The following HERC2 variants were observed in gnomAD, a reference collection of about 807,000 sequenced individuals.
HERC2 encodes HECT and RLD domain containing E3 ubiquitin protein ligase 2, also known as E3 ubiquitin-protein ligase HERC2.
A neutral mutation model predicts 537.7 loss-of-function variants in HERC2; 102 were observed. The ratio of observed to expected loss-of-function variants is 0.19; its 90% CI spans 0.16 to 0.22. The LOEUF (loss-of-function observed/expected upper bound fraction) is 0.22. Ranked by LOEUF, HERC2 falls within the 10% of genes least tolerant of loss-of-function variation. HERC2 has a pLI of 1.00. For synonymous variants in HERC2, 2,224 were observed against 2,466.2 expected (o/e 0.90, Z 2.91); for missense variants, 4,236 against 6,198.2 (o/e 0.68, Z 10.63).
rs767672342 is a variant in HERC2 at position 28,132,827 on chromosome 15, C to A, written c.12234G>T (p.Pro4078=). 6.5e-7 allele frequency: 1 copy of A among 1,536,326 alleles called. No homozygotes were observed. The highest frequency in any genetic ancestry group is 8.8e-7 in the Non-Finnish European group (1 of 1,139,944). Residue 4078 remains proline, a synonymous_variant, in exon 80 of 93, where the codon CCG becomes CCT. Coordinates refer to ENST00000261609, the MANE Select transcript of HERC2 (RefSeq NM_004667.6). ...ACTCGATGACACGAGGGCGGTCACA[C>A]GGACTGCAAAAAAGTCACCAAATAT... ...DGKLGHGNRS[P]CDRPRVIESL...
At chr15:28,273,352 G>A (rs1460969143) in intron 7 of HERC2, among the ~76,000 whole-genome samples, 1 of 152,128 alleles carries the variant, frequency 6.6e-6, no homozygotes, top group Non-Finnish European at 1.5e-5. Context: ...GACTATACCA[G>A]TATCAGCATT....
intron 68 of HERC2, among the ~76,000 whole-genome samples, chr15:28,164,953 T>G (rs564356394): frequency 6.6e-6 from 1 of 152,372 alleles, no homozygotes; most frequent in African/African-American, 2.4e-5. Context: ...TAGGACATAT[T>G]TTCTGCCAGC....
chr15:28,304,435 T>G (rs2076723417), intron 2 of HERC2, among the ~76,000 whole-genome samples: 1 of 150,672 alleles, frequency 6.6e-6, no homozygotes. Context: ...CGGCACAATC[T>G]CAGCTCACTG....
chr15:28,200,602 C>A (rs931296349), intron 48 of HERC2, among the ~76,000 whole-genome samples: 3 of 152,128 alleles, frequency 2.0e-5, no homozygotes, highest in African/African-American at 7.2e-5. Context: ...TTGGAATAGA[C>A]GTCAAAGATC....
rs771130526 is a variant in HERC2 at position 28,274,342 on chromosome 15, C to G, written c.749G>C (p.Trp250Ser). 6.2e-7 allele frequency: 1 copy of G among 1,614,204 alleles called. No individual in the cohort carries two copies. Among genetic ancestry groups the G allele is most frequent in the Non-Finnish European group, 8.5e-7 (1 of 1,180,016 alleles). The change falls in exon 7 of 93, where the codon TGG becomes TCG. Residue 250 changes from tryptophan (W) to serine (S), a missense_variant. By Grantham distance (177) the Trp-to-Ser change is radical. Coordinates refer to ENST00000261609, the MANE Select transcript of HERC2 (RefSeq NM_004667.6). ...GGTCGCTCTCTCCACCACCTCCAGC[C>G]ACACAGAGGACACGGTGCTCTCGTC... Reference protein sequence around the residue: ...LFDESTVSSVWLEVVERATRF... With the variant: ...LFDESTVSSVSLEVVERATRF...
At chr15:28,160,351 C>T (rs1377057232) in intron 69 of HERC2, among the ~76,000 whole-genome samples, 3 of 152,246 alleles carry the variant, frequency 2.0e-5, no homozygotes, top group Non-Finnish European at 4.4e-5. Context: ...TAGAGGCAGG[C>T]AGGCCTCCTT....
At chr15:28,272,087 CGCT>C in intron 9 of HERC2, 125 bp downstream of exon 9, 2 of 819,344 alleles carry the variant, frequency 2.4e-6, no homozygotes, top group Non-Finnish European at 3.8e-6. Context: ...TCATCTGACT[CGCT>C]GCTATTACCA....
intron 69 of HERC2, among the ~76,000 whole-genome samples, chr15:28,156,658 C>T (rs1423584016): frequency 4.6e-5 from 7 of 152,174 alleles, no homozygotes; most frequent in Admixed American, 2.6e-4. Context: ...TAGGCTGAGA[C>T]GATGGGGTTT....
At chr15:28,173,518 G>A (rs1894897908) in intron 65 of HERC2, among the ~76,000 whole-genome samples, 1 of 151,986 alleles carries the variant, frequency 6.6e-6, no homozygotes, top group South Asian at 2.1e-4. Context: ...ATGCAAACTG[G>A]TCTGCCACGG....
intron 27 of HERC2, 114 bp downstream of exon 27, chr15:28,233,956 A>C: frequency 1.5e-6 from 1 of 655,574 alleles, no homozygotes; most frequent in South Asian, 1.9e-5. Flanking sequence ...CCCTCCAAAT[A>C]ATACATGAAA....
chr15:28,289,487 A>T (rs1305692604), intron 4 of HERC2, among the ~76,000 whole-genome samples: 1 of 152,236 alleles, frequency 6.6e-6, no homozygotes, highest in African/African-American at 2.4e-5. Context: ...AATCCTCCTC[A>T]GAAGAAAGAG....
chr15:28,314,397 A>G (rs1206407909), intron 2 of HERC2, among the ~76,000 whole-genome samples: 1 of 152,254 alleles, frequency 6.6e-6, no homozygotes, highest in African/African-American at 2.4e-5. Context: ...CAAGGAGATC[A>G]ATGAAGCAAC....
At chr15:28,153,689 C>G (rs1892692362) in intron 69 of HERC2, among the ~76,000 whole-genome samples, 2 of 152,112 alleles carry the variant, frequency 1.3e-5, no homozygotes, top group Non-Finnish European at 2.9e-5. Context: ...GGAAGGCTCC[C>G]AACACACACA....
At position 28,260,974 on chromosome 15, in the gene HERC2, C is replaced by T. The variant is rs770583039; in HGVS notation, c.2123-4G>A. 6.2e-7 allele frequency: 1 copy of T among 1,606,092 alleles called. No homozygotes were observed. The highest frequency in any genetic ancestry group is 8.5e-7 in the Non-Finnish European group (1 of 1,173,540). On this transcript the variant is annotated splice_polypyrimidine_tract_variant and splice_region_variant and intron_variant, in intron 15 of 92. Transcript: ENST00000261609. Reference sequence around the variant, plus strand: ...GCCACATCAATCACCTTCTTCCCTACAAGGGAAGAGGGATGCAGATGCAGC... The same window carrying T: ...GCCACATCAATCACCTTCTTCCCTATAAGGGAAGAGGGATGCAGATGCAGC...
At position 28,176,346 on chromosome 15, in the gene HERC2, G is replaced by A. The variant is rs565981795; in HGVS notation, c.9686+82C>T. 1.4e-4 allele frequency: 177 copies of A among 1,307,554 alleles called. No individual in the cohort carries two copies. Among genetic ancestry groups the A allele is most frequent in the African/African-American group, 7.6e-4 (52 of 68,608 alleles). The allele number at this position is 1,307,554 out of a possible 1,614,324, so 81.0% of individuals were successfully genotyped here. A position where few individuals can be genotyped will look rare whatever the true frequency, so the allele number is the denominator to read the frequency against. On this transcript the variant is annotated intron_variant, in intron 63 of 92. Coordinates refer to ENST00000261609, the MANE Select transcript of HERC2 (RefSeq NM_004667.6). This position sits in a 1 kb window ranked among gnomAD's most constrained non-coding sequence, Gnocchi z 5.0. ...AAAGAGGACACGTCACAATCACGCCGGGTGAGCCTGGGGCGAGGCCCAGGT... is the reference window on the plus strand; with the variant it reads ...AAAGAGGACACGTCACAATCACGCCAGGTGAGCCTGGGGCGAGGCCCAGGT...
At chr15:28,165,187 G>C (rs921518908) in intron 68 of HERC2, among the ~76,000 whole-genome samples, 1 of 152,156 alleles carries the variant, frequency 6.6e-6, no homozygotes, top group African/African-American at 2.4e-5. Flanking sequence ...GGTGAGGGGA[G>C]GGCCAGAGGT....
chr15:28,121,476 A>T, intron 85 of HERC2, 47 bp from the exon 86 acceptor site: 1 of 1,416,066 alleles, frequency 7.1e-7, no homozygotes, highest in South Asian at 1.1e-5. Flanking sequence ...TATGGAAAGC[A>T]TCACTCCTGA....
rs747054677 is a variant in HERC2 at position 28,121,384 on chromosome 15, G to C, written c.13234C>G (p.Arg4412Gly). 118 of 1,614,056 alleles carry C rather than the reference G, an allele frequency of 7.3e-5. No homozygotes were observed. Among genetic ancestry groups the C allele is most frequent in the Non-Finnish European group, 9.7e-5 (115 of 1,180,028 alleles). Residue 4412 changes from arginine (R) to glycine (G), a missense_variant, in exon 86 of 93, where the codon CGT becomes GGT. Physicochemically the swap from Arg to Gly is moderately radical, Grantham distance 125. Transcript: ENST00000261609. ...KVVQATMVRD[R>G]QHGPVVELNR... Reference sequence around the variant, plus strand: ...AGCTCCACGACGGGGCCATGCTGACGATCGCGTACCATAGTTGCTTGTACT... The same window carrying C: ...AGCTCCACGACGGGGCCATGCTGACCATCGCGTACCATAGTTGCTTGTACT...
chr15:28,277,623 T>A (rs535948380), intron 5 of HERC2, among the ~76,000 whole-genome samples: 1 of 152,282 alleles, frequency 6.6e-6, no homozygotes, highest in East Asian at 1.9e-4. Flanking sequence ...GGAATTCAGT[T>A]TGATTCGACA....
Sources: gnomAD v4.1 joint callset for allele counts (sites outside exome capture counted in the v4.1 genomes callset) on GRCh38, gnomAD v4.1.1 for gene constraint, Gnocchi (gnomAD v3.1) non-coding constraint, MANE v1.5 for transcripts, NCBI Gene and HGNC (gene_info 2026-07-23, HGNC 2026-07-21) for gene names.